BIK: variants seen among roughly 807,000 people sequenced by gnomAD.
BIK encodes the protein bcl-2-interacting killer.
In BIK, 14 loss-of-function variants were observed where a neutral mutation model predicts 12.1. The observed-to-expected ratio is 1.16, with a 90% CI of 0.77 to 1.81. The LOEUF (loss-of-function observed/expected upper bound fraction) is 1.81, where lower values mean the gene tolerates loss of function less well. Ranked by LOEUF, BIK falls within the 40% of genes most tolerant of loss-of-function variation. BIK has a pLI of 0.00. For missense variants in BIK, 215 were observed against 207.9 expected (o/e 1.03, Z -0.21); for synonymous variants, 86 against 92.3 (o/e 0.93, Z 0.39).
chr22:43,125,951 C>T (rs1241183804), intron 2 of BIK, among the ~76,000 whole-genome samples: 1 of 152,072 alleles, frequency 6.6e-6, no homozygotes, highest in Non-Finnish European at 1.5e-5. Context: ...CCAACTGCTC[C>T]CAGCTATGTC....
In BIK at chr22:43,124,166, G is replaced by C; in HGVS notation, c.144G>C (p.Leu48Phe). The change falls in exon 2 of 5, where the codon TTG (leucine) becomes TTC (phenylalanine). Residue 48 changes from leucine to phenylalanine, a missense_variant. Physicochemically the swap from Leu to Phe is conservative, Grantham distance 22. Transcript: ENST00000216115. ...DLDPMEDFDSLECMEGSDALA... is the reference protein window; with the variant it reads ...DLDPMEDFDSFECMEGSDALA... ...ACCCTATGGAGGACTTCGATTCTTT[G>C]GAATGCATGGAGGGCAGGTAGGTCC... The C allele has an allele frequency of 1.2e-6, 2 of 1,614,108 alleles. No homozygotes were observed. The highest frequency in any genetic ancestry group is 1.7e-6 in the Non-Finnish European group (2 of 1,179,994).
intron 2 of BIK, among the ~76,000 whole-genome samples, chr22:43,127,004 T>C (rs960733293): frequency 6.6e-5 from 10 of 151,904 alleles, no homozygotes; most frequent in Non-Finnish European, 8.8e-5. Context: ...TCCCTGGGAG[T>C]TCCCCCGGTG....
At chr22:43,127,312 C>T (rs1930335713) in intron 2 of BIK, among the ~76,000 whole-genome samples, 1 of 152,078 alleles carries the variant, frequency 6.6e-6, no homozygotes, top group Non-Finnish European at 1.5e-5. Flanking sequence ...GGGGCTCAGC[C>T]ATCCGGGGGA....
At chr22:43,115,953 C>A (rs985099263) in intron 1 of BIK, among the ~76,000 whole-genome samples, 9 of 151,872 alleles carry the variant, frequency 5.9e-5, no homozygotes, top group African/African-American at 2.2e-4. Flanking sequence ...GACACTGTTT[C>A]ACCATGTTGA....
chr22:43,123,514 C>T (rs778623836), intron 1 of BIK, among the ~76,000 whole-genome samples: 3 of 152,060 alleles, frequency 2.0e-5, no homozygotes, highest in Admixed American at 2.0e-4. Flanking sequence ...TTTGGGAGGC[C>T]GAGGTGGGGT....
At chr22:43,129,124 T>C in intron 4 of BIK, 89 bp from the exon 5 acceptor site, 1 of 1,595,484 alleles carries the variant, frequency 6.3e-7, no homozygotes, top group South Asian at 1.1e-5. Context: ...CCCACCCTCC[T>C]GGGCTTCCCC....
In BIK at chr22:43,128,981, C is replaced by T. The variant is rs144496054; in HGVS notation, c.391-232C>T. Among the ~76,000 whole-genome samples the T allele has an allele frequency of 2.5e-4, 38 of 152,362 alleles. No individual in the cohort carries two copies. The East Asian group carries it at 3.3e-3, about 13-fold the overall frequency. ...GCTGACTGCCCTCACCTGTGCCCAC[C>T]GGGTGTCTTTGCCTGTGTCCCGCAG... On this transcript the variant is annotated intron_variant, in intron 4 of 4. Transcript: ENST00000216115.
chr22:43,120,108 C>T (rs1371915621), intron 1 of BIK, among the ~76,000 whole-genome samples: 1 of 152,232 alleles, frequency 6.6e-6, no homozygotes, highest in Non-Finnish European at 1.5e-5. Flanking sequence ...CCATGGAAAG[C>T]ATACTTGAGT....
At chr22:43,118,580 AC>A (rs1171530199) in intron 1 of BIK, among the ~76,000 whole-genome samples, 1 of 151,894 alleles carries the variant, frequency 6.6e-6, no homozygotes, top group Non-Finnish European at 1.5e-5. Context: ...GTGCCACCCC[AC>A]CCTCATGGTC....
At chr22:43,127,834 G>T in intron 3 of BIK, 39 bp downstream of exon 3, 4 of 1,517,830 alleles carry the variant, frequency 2.6e-6, no homozygotes, top group Non-Finnish European at 2.7e-6. Flanking sequence ...ACCTGGGGAG[G>T]GGCCCTGGGC....
chr22:43,113,426 C>G (rs1930048821), intron 1 of BIK, among the ~76,000 whole-genome samples: 1 of 151,558 alleles, frequency 6.6e-6, no homozygotes, highest in Admixed American at 6.6e-5. Context: ...ATTTGACTTG[C>G]CTGTAATCCC....
chr22:43,115,469 AT>A (rs373302150), intron 1 of BIK, among the ~76,000 whole-genome samples: 4 of 149,490 alleles, frequency 2.7e-5, no homozygotes, highest in Non-Finnish European at 3.0e-5. Context: ...AACTTGTTTT[AT>A]TTTTTTTTTG....
chr22:43,113,294 T>C (rs1930045817), intron 1 of BIK, among the ~76,000 whole-genome samples: 1 of 152,146 alleles, frequency 6.6e-6, no homozygotes, highest in Non-Finnish European at 1.5e-5. Flanking sequence ...GCTGCATACA[T>C]GTTAGTTATT....
intron 1 of BIK, 130 bp downstream of exon 1, chr22:43,110,933 A>G (rs1461412601): frequency 6.6e-6 from 1 of 151,950 alleles, no homozygotes; most frequent in African/African-American, 2.4e-5. Context: ...TTACCGCTCC[A>G]GCAAGTCGCT....
chr22:43,120,380 G>A (rs1045587335), intron 1 of BIK, among the ~76,000 whole-genome samples: 1 of 152,188 alleles, frequency 6.6e-6, no homozygotes, highest in African/African-American at 2.4e-5. Flanking sequence ...TGGAGATGGC[G>A]TTTCACCATG....
chr22:43,121,399 G>A (rs2147022282), intron 1 of BIK, among the ~76,000 whole-genome samples: 1 of 152,288 alleles, frequency 6.6e-6, no homozygotes, highest in Non-Finnish European at 1.5e-5. Flanking sequence ...CCTGCACTCT[G>A]CTGCAGACCC....
At chr22:43,128,297 G>A (rs1930361808) in intron 3 of BIK, among the ~76,000 whole-genome samples, 199 bp from the exon 4 acceptor site, 1 of 152,198 alleles carries the variant, frequency 6.6e-6, no homozygotes. Context: ...GCAGGAAGTT[G>A]GAATGAATTT....
chr22:43,119,004 G>C lies in BIK; in HGVS notation c.-7-5012G>C, dbSNP rs4988387. On this transcript the variant is annotated intron_variant, in intron 1 of 4. Coordinates refer to ENST00000216115, the MANE Select transcript of BIK (RefSeq NM_001197.5). ...CCAGATGAGCCATAGGCGAGCTGTCGAGTGCAGAGCTGTTCACCAAATGTA... is the reference window on the plus strand; with the variant it reads ...CCAGATGAGCCATAGGCGAGCTGTCCAGTGCAGAGCTGTTCACCAAATGTA... Among the ~76,000 whole-genome samples the C allele has an allele frequency of 4.0e-3, 606 of 152,040 alleles. 7 individuals carry two copies. The highest frequency in any genetic ancestry group is 0.014 in the African/African-American group (576 of 41,498).
At chr22:43,124,684 G>A (rs1448520909) in intron 2 of BIK, among the ~76,000 whole-genome samples, 1 of 152,244 alleles carries the variant, frequency 6.6e-6, no homozygotes, top group Admixed American at 6.5e-5. Context: ...TTGAGGTCAG[G>A]AGCTCGAGAC....
Sources: allele counts gnomAD v4.1 joint callset (sites outside exome capture counted in the v4.1 genomes callset), GRCh38; gene constraint gnomAD v4.1.1; transcripts MANE v1.5; gene names NCBI Gene and HGNC (gene_info 2026-07-23, HGNC 2026-07-21).